The following TXLNB variants were observed in gnomAD, a reference collection of about 807,000 sequenced individuals.
TXLNB encodes the protein beta-taxilin.
TXLNB carries 37 observed loss-of-function variants against 57.4 expected under a neutral mutation model. The observed-to-expected ratio is 0.64, with a 90% CI of 0.50 to 0.85. The LOEUF (loss-of-function observed/expected upper bound fraction) is 0.85. TXLNB is among the 40% of genes least tolerant of loss of function. The pLI is 0.00. For missense variants in TXLNB, 848 were observed against 825.6 expected, an observed-to-expected ratio of 1.03 and a Z score of -0.33; for synonymous variants, 302 against 309.6, an observed-to-expected ratio of 0.98 and a Z score of 0.26.
chr6:139,301,750 T>A, the TXLNB span, among the ~76,000 whole-genome samples: 1 of 152,154 alleles, frequency 6.6e-6, no homozygotes, highest in Non-Finnish European at 1.5e-5. Flanking sequence ...ACTTTCACAG[T>A]AACTTGATAT....
At chr6:139,217,704 TA>T in the TXLNB span, among the ~76,000 whole-genome samples, 325 of 151,648 alleles carry the variant, frequency 2.1e-3, 1 homozygote, top group African/African-American at 6.1e-3. Context: ...CTGTTTCTAC[TA>T]AAAAATACAA....
At chr6:139,166,648 G>GCTCA in the TXLNB span, 1 of 1,614,200 alleles carries the variant, frequency 6.2e-7, no homozygotes, top group Non-Finnish European at 8.5e-7. Flanking sequence ...AGAACACAGG[G>GCTCA]AGGCCTCCTG....
intron 2 of TXLNB, among the ~76,000 whole-genome samples, chr6:139,280,965 GTAT>G (rs1193454263): frequency 1.3e-5 from 2 of 152,190 alleles, no homozygotes; most frequent in Non-Finnish European, 2.9e-5. Flanking sequence ...AGGAAGGAAA[GTAT>G]TATTAAATTC....
chr6:139,226,636 AC>A, the TXLNB span, among the ~76,000 whole-genome samples: 1 of 152,238 alleles, frequency 6.6e-6, no homozygotes, highest in East Asian at 1.9e-4. Context: ...AGGGAAAAAA[AC>A]ATCATGAATA....
the TXLNB span, among the ~76,000 whole-genome samples, chr6:139,215,607 A>G: frequency 6.6e-6 from 1 of 152,228 alleles, no homozygotes; most frequent in Non-Finnish European, 1.5e-5. Context: ...AATGGCAACA[A>G]AAGCCAAAAT....
chr6:139,232,544 G>A, the TXLNB span, among the ~76,000 whole-genome samples: 2 of 152,082 alleles, frequency 1.3e-5, no homozygotes, highest in Non-Finnish European at 2.9e-5. Context: ...TTGTATATGG[G>A]ATTTCTGAAT....
At chr6:139,274,382 T>C (rs988737926) in intron 3 of TXLNB, among the ~76,000 whole-genome samples, 1 of 152,210 alleles carries the variant, frequency 6.6e-6, no homozygotes, top group African/African-American at 2.4e-5. Context: ...TAGGCTTTAG[T>C]CTCCACGTAA....
the TXLNB span, among the ~76,000 whole-genome samples, chr6:139,202,839 C>T: frequency 3.3e-5 from 5 of 152,004 alleles, no homozygotes; most frequent in African/African-American, 9.7e-5. Flanking sequence ...ATCTGTAAAC[C>T]GCCTCTCCCT....
At chr6:139,249,534 T>C (rs139557401) in intron 7 of TXLNB, among the ~76,000 whole-genome samples, 7 of 152,270 alleles carry the variant, frequency 4.6e-5, no homozygotes, top group African/African-American at 1.7e-4. Flanking sequence ...CACCGACCGG[T>C]GTTATCAGTG....
At chr6:139,164,759 TC>T in the TXLNB span, among the ~76,000 whole-genome samples, 1 of 151,924 alleles carries the variant, frequency 6.6e-6, no homozygotes, top group Non-Finnish European at 1.5e-5. Flanking sequence ...ACCCTTGTCA[TC>T]CCAGCCTGTA....
chr6:139,285,818 C>T (rs74599077), intron 2 of TXLNB, among the ~76,000 whole-genome samples: 1,919 of 145,324 alleles, frequency 0.013, 242 homozygotes, highest in African/African-American at 0.046. Context: ...CCTCAGGCCA[C>T]GGACTGGTAC....
chr6:139,166,021 C>G, the TXLNB span: 1 of 362,228 alleles, frequency 2.8e-6, no homozygotes, highest in East Asian at 4.3e-5. Flanking sequence ...GTTCCAGCGG[C>G]TTTCTGGTAT....
the TXLNB span, chr6:139,234,593 G>C: frequency 1.3e-5 from 2 of 152,432 alleles, no homozygotes; most frequent in South Asian, 4.1e-4. Context: ...CAGAAGTCAA[G>C]AATTAAGGTT....
chr6:139,161,076 A>G, the TXLNB span, among the ~76,000 whole-genome samples: 1 of 151,924 alleles, frequency 6.6e-6, no homozygotes, highest in Non-Finnish European at 1.5e-5. Context: ...GGTGGTGCTA[A>G]TGAGGGAGGA....
At chr6:139,291,559 A>G (rs1777300934) in intron 1 of TXLNB, among the ~76,000 whole-genome samples, 1 of 152,230 alleles carries the variant, frequency 6.6e-6, no homozygotes, top group Non-Finnish European at 1.5e-5. Context: ...GGACAATTCA[A>G]TTCCCAAAAG....
chr6:139,307,281 C>T, the TXLNB span, among the ~76,000 whole-genome samples: 1 of 152,204 alleles, frequency 6.6e-6, no homozygotes, highest in Non-Finnish European at 1.5e-5. Flanking sequence ...AGCTTTGAAC[C>T]TGGGCTCAAG....
At chr6:139,217,546 CAT>C in the TXLNB span, among the ~76,000 whole-genome samples, 136 of 152,244 alleles carry the variant, frequency 8.9e-4, no homozygotes, top group African/African-American at 2.9e-3. Flanking sequence ...TCCTGCTTCA[CAT>C]ATAATTTTCA....
intron 4 of TXLNB, among the ~76,000 whole-genome samples, chr6:139,266,965 G>GA (rs201223278): frequency 0.31 from 33,672 of 110,346 alleles, 4,703 homozygotes; most frequent in African/African-American, 0.36. Flanking sequence ...AGGCTAAAAG[G>GA]AAAAAAAAAA....
chr6:139,283,623 A>C (rs1355826870), intron 2 of TXLNB, among the ~76,000 whole-genome samples: 2 of 145,034 alleles, frequency 1.4e-5, no homozygotes, highest in African/African-American at 5.1e-5. Context: ...TCAGTCAATA[A>C]GTTTTGGAAA....
Sources: allele counts gnomAD v4.1 joint callset (sites outside exome capture counted in the v4.1 genomes callset), GRCh38; gene constraint gnomAD v4.1.1; transcripts MANE v1.5; gene names NCBI Gene and HGNC (gene_info 2026-07-23, HGNC 2026-07-21).